Variants in VEZT observed in about 807,000 individuals in gnomAD.
VEZT encodes vezatin.
A neutral mutation model predicts 79.9 loss-of-function variants in VEZT; 39 were observed. The observed-to-expected ratio is 0.49, with a 90% CI of 0.38 to 0.64. The LOEUF (loss-of-function observed/expected upper bound fraction) is 0.64. Ranked by LOEUF, VEZT falls within the 30% of genes least tolerant of loss-of-function variation. The pLI, the probability that VEZT is intolerant of heterozygous loss-of-function variation, is 0.00. For missense variants in VEZT, 837 were observed against 893.1 expected (o/e 0.94, Z 0.80); for synonymous variants, 325 against 327.6 (o/e 0.99, Z 0.09).
At chr12:95,224,883 A>G (rs2058186496) in intron 1 of VEZT, among the ~76,000 whole-genome samples, 1 of 152,204 alleles carries the variant, frequency 6.6e-6, no homozygotes, top group Non-Finnish European at 1.5e-5. Context: ...TGAGATCATC[A>G]GGCATTAGTT....
chr12:95,239,503 A>T (rs1425666850), intron 1 of VEZT, among the ~76,000 whole-genome samples: 1 of 152,212 alleles, frequency 6.6e-6, no homozygotes, highest in African/African-American at 2.4e-5. Context: ...GAGGGATCAG[A>T]ATCAGAATTT....
At chr12:95,251,843 A>C in intron 1 of VEZT, 97 bp from the exon 2 acceptor site, 3 of 1,098,658 alleles carry the variant, frequency 2.7e-6, no homozygotes, top group Non-Finnish European at 3.8e-6. Flanking sequence ...ATTTGGACAT[A>C]CTGGTCACAA....
At chr12:95,263,220 G>A (rs1566150158) in intron 4 of VEZT, 139 bp downstream of exon 4, 3 of 839,012 alleles carry the variant, frequency 3.6e-6, no homozygotes, top group East Asian at 2.7e-5. Flanking sequence ...AATATGGGGG[G>A]AAAAAGTGCC....
chr12:95,263,975 T>C (rs2065029537), intron 4 of VEZT, among the ~76,000 whole-genome samples: 1 of 152,226 alleles, frequency 6.6e-6, no homozygotes, highest in Admixed American at 6.5e-5. Context: ...AAAGCGATTA[T>C]ATATAAAAAA....
chr12:95,279,665 C>T (rs1203321293), intron 7 of VEZT, among the ~76,000 whole-genome samples: 1 of 152,214 alleles, frequency 6.6e-6, no homozygotes, highest in Non-Finnish European at 1.5e-5. Flanking sequence ...AATCGTGGCT[C>T]ACTGTAACCC....
intron 8 of VEZT, 139 bp downstream of exon 8, chr12:95,282,783 A>G (rs994227536): frequency 2.3e-5 from 12 of 532,040 alleles, no homozygotes; most frequent in Non-Finnish European, 3.3e-5. Context: ...ATTTATAGCT[A>G]TAAATATAGC....
intron 1 of VEZT, among the ~76,000 whole-genome samples, chr12:95,229,730 G>C (rs2058975063): frequency 6.6e-6 from 1 of 152,116 alleles, no homozygotes; most frequent in Non-Finnish European, 1.5e-5. Context: ...AGCAAATCAT[G>C]CCTTAAGGAT....
chr12:95,244,764 AT>A (rs1204104088), intron 1 of VEZT, among the ~76,000 whole-genome samples: 2 of 141,306 alleles, frequency 1.4e-5, no homozygotes, highest in East Asian at 2.0e-4. Flanking sequence ...AAATTTGGTA[AT>A]TTTTTTTGGT....
intron 5 of VEZT, among the ~76,000 whole-genome samples, chr12:95,269,212 C>T (rs927762992): frequency 1.1e-4 from 16 of 152,102 alleles, no homozygotes; most frequent in Admixed American, 5.9e-4. Flanking sequence ...TATCTGATAA[C>T]CAGGTATTTA....
chr12:95,297,819 C>A (rs936342734), intron 11 of VEZT, among the ~76,000 whole-genome samples: 2 of 152,022 alleles, frequency 1.3e-5, no homozygotes, highest in African/African-American at 4.8e-5. Context: ...TATTTTTATT[C>A]ATGAAAAAAA....
At chr12:95,244,121 C>T (rs2061416980) in intron 1 of VEZT, 1 of 393,486 alleles carries the variant, frequency 2.5e-6, no homozygotes, top group Non-Finnish European at 4.9e-6. Flanking sequence ...TCTGGCCAGG[C>T]ACAGTGCCTT....
At position 95,225,183 on chromosome 12, in the gene VEZT, T is replaced by C. The variant is rs146882959; in HGVS notation, c.36+7297T>C. On this transcript the variant is annotated intron_variant, in intron 1 of 11. Transcript: ENST00000436874. ...GCAGAAAGGAATTTAACATAGGGAA[T>C]TAATGGTTAGATTATCATCGGAAGG... Among the ~76,000 whole-genome samples the C allele has an allele frequency of 3.6e-3, 548 of 152,260 alleles. 5 individuals carry two copies. The highest frequency in any genetic ancestry group is 0.013 in the African/African-American group (523 of 41,546).
intron 1 of VEZT, among the ~76,000 whole-genome samples, chr12:95,232,168 ATAAAAGGTTTTTTTAAATGCTT>A (rs2059362384): frequency 6.6e-6 from 1 of 152,216 alleles, no homozygotes; most frequent in South Asian, 2.1e-4. Context: ...ATATTCAAAG[ATAAAAGGTTTTTTTAAATGCTT>A]TAAAATAACA....
chr12:95,241,627 T>A (rs964431466), intron 1 of VEZT, among the ~76,000 whole-genome samples: 8 of 152,122 alleles, frequency 5.3e-5, no homozygotes, highest in Non-Finnish European at 7.4e-5. Context: ...GTTTTAACAA[T>A]GAAAAATGTC....
intron 4 of VEZT, among the ~76,000 whole-genome samples, 174 bp downstream of exon 4, chr12:95,263,255 G>A (rs761246086): frequency 1.3e-5 from 2 of 152,138 alleles, no homozygotes; most frequent in Admixed American, 1.3e-4. Context: ...ACTATTTAAA[G>A]TGAAGCTAGG....
chr12:95,282,224 C>A, intron 7 of VEZT, 89 bp from the exon 8 acceptor site: 1 of 1,237,956 alleles, frequency 8.1e-7, no homozygotes, highest in Non-Finnish European at 1.1e-6. Context: ...AAAATTTAAA[C>A]CAGAAGTTAA....
At chr12:95,259,136 G>A (rs373739520) in intron 3 of VEZT, among the ~76,000 whole-genome samples, 26 of 150,396 alleles carry the variant, frequency 1.7e-4, no homozygotes, top group East Asian at 1.4e-3. Flanking sequence ...CCTTTATTCC[G>A]TACTTATTCT....
chr12:95,240,942 G>A (rs967033243), intron 1 of VEZT, among the ~76,000 whole-genome samples: 1 of 151,880 alleles, frequency 6.6e-6, no homozygotes, highest in Non-Finnish European at 1.5e-5. Flanking sequence ...GTTGTCCTGT[G>A]CAATATAGGA....
At chr12:95,229,552 G>A (rs960740412) in intron 1 of VEZT, among the ~76,000 whole-genome samples, 1 of 152,104 alleles carries the variant, frequency 6.6e-6, no homozygotes, top group Non-Finnish European at 1.5e-5. Flanking sequence ...TAGGGGATCG[G>A]AAACTATCTA....
Sources: allele counts gnomAD v4.1 joint callset (sites outside exome capture counted in the v4.1 genomes callset), GRCh38; gene constraint gnomAD v4.1.1; transcripts MANE v1.5; gene names NCBI Gene and HGNC (gene_info 2026-07-23, HGNC 2026-07-21).